OSGEP: variants seen among roughly 807,000 people sequenced by gnomAD.
OSGEP encodes the protein tRNA N6-adenosine threonylcarbamoyltransferase.
OSGEP carries 39 observed loss-of-function variants against 44.1 expected under a neutral mutation model. That is an observed-to-expected ratio of 0.88 (90% CI 0.69 to 1.16). The LOEUF (loss-of-function observed/expected upper bound fraction) is 1.16. OSGEP is among the 50% of genes most tolerant of loss of function. The probability of loss-of-function intolerance (pLI) is 0.00; values close to 1 mark genes in which losing one functional copy is unlikely to be tolerated. For synonymous variants in OSGEP, 139 were observed against 161.9 expected, an observed-to-expected ratio of 0.86 and a Z score of 1.07; for missense variants, 403 against 443.1, an observed-to-expected ratio of 0.91 and a Z score of 0.81.
Position 20,446,983 on chromosome 14 carries a change from C to A in OSGEP, c.*257G>T. 2 of 431,222 alleles carry A rather than the reference C, an allele frequency of 4.6e-6. No homozygotes were observed. The highest frequency in any genetic ancestry group is 6.5e-5 in the South Asian group (1 of 15,338). The allele number at this position is 431,222 out of a possible 1,614,324, so 26.7% of individuals were successfully genotyped here. On this transcript the variant is annotated 3_prime_UTR_variant, in exon 11 of 11. Coordinates refer to ENST00000206542, the MANE Select transcript of OSGEP (RefSeq NM_017807.4). ...AGATACCTCATTCTTGGTTCCACAG[C>A]AGCAAGCTCCAACAAGAATTTATCC...
Position 20,448,744 on chromosome 14 carries a change from A to G in OSGEP, c.625T>C (p.Ser209Pro). The change falls in exon 6 of 11, where the codon TCT becomes CCT. Residue 209 changes from serine (S) to proline (P), a missense_variant. Coordinates refer to ENST00000206542, the MANE Select transcript of OSGEP (RefSeq NM_017807.4). Reference protein sequence around the residue: ...GMDVSFSGILSFIEDVAHRML... With the variant: ...GMDVSFSGILPFIEDVAHRML... ...CCTCTCACACTCACCTCAATGAAAG[A>G]CAGGATCCCTGAGAATGAGACGTCC... 3 of 1,611,844 alleles carry G rather than the reference A, an allele frequency of 1.9e-6. No homozygotes were observed. The highest frequency in any genetic ancestry group is 2.2e-5 in the South Asian group (2 of 91,040).
At chr14:20,447,584 A>G (rs1407745629) in intron 9 of OSGEP, 31 bp downstream of exon 9, 2 of 1,610,480 alleles carry the variant, frequency 1.2e-6, no homozygotes, top group African/African-American at 1.3e-5. Flanking sequence ...CAGGAGAAGT[A>G]AAAAAGAAAC....
chr14:20,452,127 C>T lies in OSGEP; in HGVS notation c.258G>A (p.Leu86=), dbSNP rs1466335889. ...TACGGGCCACAACAGCCACAGAAAC[C>T]AGTGGGGCACCCATGCCAGGGCCTA... ...YTKGPGMGAP[L]VSVAVVARTV... is the part of the protein sequence containing the mutation. Residue 86 remains leucine, a synonymous_variant, in exon 3 of 11, where the codon CTG becomes CTA. Coordinates refer to ENST00000206542, the MANE Select transcript of OSGEP (RefSeq NM_017807.4). 1.3e-5 allele frequency: 21 copies of T among 1,611,582 alleles called. No individual in the cohort carries two copies. Among genetic ancestry groups the T allele is most frequent in the Non-Finnish European group, 1.8e-5 (21 of 1,179,062 alleles).
chr14:20,451,554 G>C (rs915326316), intron 3 of OSGEP: 1 of 158,158 alleles, frequency 6.3e-6, no homozygotes, highest in African/African-American at 2.4e-5. Flanking sequence ...TGATCCACCC[G>C]CCTCGACCTC....
rs1566508418 is a variant in OSGEP at position 20,449,040 on chromosome 14, A to C, written c.508-27T>G. ...TAGCAGAAGAAAAAAATAAGGAAGG[A>C]GGGAATGGAAGAGGATGAAATCAGA... On this transcript the variant is annotated intron_variant, in intron 4 of 10. Coordinates refer to ENST00000206542, the MANE Select transcript of OSGEP (RefSeq NM_017807.4). 3.1e-6 allele frequency: 5 copies of C among 1,595,870 alleles called. No homozygotes were observed. The Admixed American group carries it at 8.3e-5, about 27-fold the overall frequency.
intron 6 of OSGEP, among the ~76,000 whole-genome samples, chr14:20,448,516 T>C (rs1881017057): frequency 1.3e-5 from 2 of 152,182 alleles, no homozygotes; most frequent in African/African-American, 4.8e-5. Flanking sequence ...CAGGGATTTT[T>C]GTTTTGCTCC....
chr14:20,452,781 G>C (rs551478538), intron 1 of OSGEP, among the ~76,000 whole-genome samples: 63 of 151,338 alleles, frequency 4.2e-4, no homozygotes, highest in Admixed American at 1.7e-3. Context: ...CACGATCTCG[G>C]CTCACTGCAA....
chr14:20,448,586 T>C, intron 6 of OSGEP, 147 bp downstream of exon 6: 2 of 641,248 alleles, frequency 3.1e-6, no homozygotes, highest in Non-Finnish European at 5.5e-6. Context: ...AATGAATACC[T>C]TCTAAATGAA....
At position 20,447,009 on chromosome 14, in the gene OSGEP, A is replaced by T. The variant is rs1406011349; in HGVS notation, c.*231T>A. 8.6e-6 allele frequency: 4 copies of T among 465,568 alleles called. No individual in the cohort carries two copies. In the Admixed American group the frequency reaches 1.5e-4, roughly 17 times the overall value. The allele number at this position is 465,568 out of a possible 1,614,324, so 28.8% of individuals were successfully genotyped here. On this transcript the variant is annotated 3_prime_UTR_variant, in exon 11 of 11. Transcript: ENST00000206542. ...AGCAAGCTCCAACAAGAATTTATCC[A>T]GCACCAAATCTACATTGGTCCTGAA...
At chr14:20,452,296 T>C (rs1303139560) in intron 2 of OSGEP, 33 bp downstream of exon 2, 2 of 1,611,914 alleles carry the variant, frequency 1.2e-6, no homozygotes, top group Non-Finnish European at 1.7e-6. Flanking sequence ...TGCAGGTATA[T>C]TCCTCCATCG....
rs77794916 is a variant in OSGEP, at chr14:20,453,370, C to T, written c.116-922G>A. 2.1e-3 allele frequency among the ~76,000 whole-genome samples: 220 copies of T among 102,754 alleles called. 1 individual carries two copies. The highest frequency in any genetic ancestry group is 3.7e-3 in the East Asian group (9 of 2,420). The allele number at this position is 102,754 out of a possible 152,430, so 67.4% of individuals were successfully genotyped here. ...ATTAAAAGTTGTAATGTGTTTTGTA[C>T]TTTTTTTTTTTTTGAGACAGAGTTT... is the stretch of plus-strand genomic sequence containing the variant. On this transcript the variant is annotated intron_variant, in intron 1 of 10. Coordinates refer to ENST00000206542, the MANE Select transcript of OSGEP (RefSeq NM_017807.4).
At position 20,446,958 on chromosome 14, in the gene OSGEP, A is replaced by AT; in HGVS notation, c.*281_*282insA. On this transcript the variant is annotated 3_prime_UTR_variant, in exon 11 of 11. Coordinates refer to ENST00000206542, the MANE Select transcript of OSGEP (RefSeq NM_017807.4). ...TTCCGTTTCTTAAAAAAAAAAAAAA[A>AT]GATACCTCATTCTTGGTTCCACAGC... 1 of 375,572 alleles carries AT rather than the reference A, an allele frequency of 2.7e-6. No homozygotes were observed. Among genetic ancestry groups the AT allele is most frequent in the Admixed American group, 4.2e-5 (1 of 23,532 alleles). 23.3% of individuals were successfully genotyped at this position (375,572 alleles called of 1,614,324 possible). A position where few individuals can be genotyped will look rare whatever the true frequency, so the allele number is the denominator to read the frequency against.
In OSGEP at chr14:20,452,099, C is replaced by A. The variant is rs1205054259; in HGVS notation, c.286G>T (p.Val96Leu). The change falls in exon 3 of 11, where the codon GTG becomes TTG. Residue 96 changes from valine (V) to leucine (L), a missense_variant. Val to Leu is a conservative substitution (Grantham distance 32). Coordinates refer to ENST00000206542, the MANE Select transcript of OSGEP (RefSeq NM_017807.4). ...AATGGCTTATTCCACAGTTGGGCCA[C>A]AGTACGGGCCACAACAGCCACAGAA... ...LVSVAVVART[V>L]AQLWNKPLVG... The A allele has an allele frequency of 6.2e-7, 1 of 1,613,532 alleles. No individual in the cohort carries two copies.
chr14:20,449,489 G>C (rs762277411), intron 3 of OSGEP: 1 of 512,768 alleles, frequency 2.0e-6, no homozygotes, highest in Non-Finnish European at 3.5e-6. Flanking sequence ...GACAGTGTAG[G>C]TTCAGGCAGA....
rs1452601552 is a variant in OSGEP, at chr14:20,446,892, C to T, written c.*348G>A. ...TCAGGAGGCTGAGGTGGTAAGACTG[C>T]TTGAGCCCAGTTCGAGACCAGCCTG... is the stretch of plus-strand genomic sequence containing the variant. On this transcript the variant is annotated 3_prime_UTR_variant, in exon 11 of 11. Transcript: ENST00000206542. 1 of 291,242 alleles carries T rather than the reference C, an allele frequency of 3.4e-6. No homozygotes were observed. The highest frequency in any genetic ancestry group is 2.2e-5 in the African/African-American group (1 of 45,942). 18.0% of individuals were successfully genotyped at this position (291,242 alleles called of 1,614,324 possible).
At chr14:20,449,486 T>C (rs1337180895) in intron 3 of OSGEP, 1 of 522,108 alleles carries the variant, frequency 1.9e-6, no homozygotes, top group Non-Finnish European at 3.5e-6. Flanking sequence ...CTAGACAGTG[T>C]AGGTTCAGGC....
rs758322534 is a variant in OSGEP at position 20,447,279 on chromosome 14, C to T, written c.969G>A (p.Arg323=). Residue 323 remains arginine (R), a splice_region_variant and synonymous_variant, in exon 11 of 11, where the codon AGG becomes AGA. Transcript: ENST00000206542. The part of the protein sequence containing the change: ...TPLSDSGVTQ[R]YRTDEVEVTW... ...TCACCTCTACTTCATCTGTCCGATA[C>T]CTGTGGAAAAACAGAAGAAACATGG... 43 of 1,614,026 alleles carry T rather than the reference C, an allele frequency of 2.7e-5. No individual in the cohort carries two copies. In the Admixed American group the frequency reaches 6.2e-4, roughly 23 times the overall value.
chr14:20,452,538 T>C (rs1881129973), intron 1 of OSGEP, 90 bp from the exon 2 acceptor site: 2 of 1,278,900 alleles, frequency 1.6e-6, no homozygotes, highest in African/African-American at 1.5e-5. Context: ...GTTTTAGTGA[T>C]GTAGTAAGAG....
rs1348475750 is a variant in OSGEP, at chr14:20,452,205, G to C, written c.236-56C>G. On this transcript the variant is annotated intron_variant, in intron 2 of 10. Coordinates refer to ENST00000206542, the MANE Select transcript of OSGEP (RefSeq NM_017807.4). The stretch of plus-strand genomic sequence containing the variant: ...TAGAGATTGGAAAAAAACAATAGTG[G>C]GGGACATAAGGGATGTGAGGTGGGG... 7.0e-6 allele frequency: 11 copies of C among 1,580,898 alleles called. No homozygotes were observed. In the African/African-American group the frequency reaches 1.2e-4, roughly 17 times the overall value.
Sources: allele counts gnomAD v4.1 joint callset (sites outside exome capture counted in the v4.1 genomes callset), GRCh38; gene constraint gnomAD v4.1.1; transcripts MANE v1.5; gene names NCBI Gene and HGNC (gene_info 2026-07-23, HGNC 2026-07-21).